The following HDC variants were observed in gnomAD, a reference collection of about 807,000 sequenced individuals.
HDC encodes histidine decarboxylase.
HDC carries 27 observed loss-of-function variants against 64.4 expected under a neutral mutation model. The ratio of observed to expected loss-of-function variants is 0.42; its 90% CI spans 0.31 to 0.58. HDC has a LOEUF of 0.58. Among genes scored for constraint, HDC ranks in the 20% least tolerant of loss-of-function variants. The pLI, the probability that HDC is intolerant of heterozygous loss-of-function variation, is 0.16. For synonymous variants in HDC, 305 were observed against 314.2 expected (o/e 0.97, Z 0.31); for missense variants, 711 against 833.9 (o/e 0.85, Z 1.81).
chr15:50,253,781 G>T, intron 6 of HDC, 115 bp from the exon 7 acceptor site: 2 of 820,936 alleles, frequency 2.4e-6, no homozygotes, highest in Non-Finnish European at 4.2e-6. Context: ...CCAGAACAGT[G>T]TATATTTCAG....
rs148691414 is a variant in HDC, at chr15:50,258,488, G to A, written c.234C>T (p.His78=). The change falls in exon 3 of 12, where the codon CAC becomes CAT. Residue 78 remains histidine, a synonymous_variant. Transcript: ENST00000267845. ...GVVHWQSPHM[H]AYYPALTSWP... is the part of the protein sequence containing the mutation. Reference sequence around the variant, plus strand: ...AAGAGGTGAGGGCTGGGTAGTAGGCGTGCATATGGGGGCTCTGCCAATGTA... The same window carrying A: ...AAGAGGTGAGGGCTGGGTAGTAGGCATGCATATGGGGGCTCTGCCAATGTA... The A allele has an allele frequency of 1.7e-5, 28 of 1,612,970 alleles. 1 individual carries two copies. Among genetic ancestry groups the A allele is most frequent in the Middle Eastern group, 1.6e-4 (1 of 6,068 alleles).
At chr15:50,256,651 G>A (rs2045636011) in intron 4 of HDC, among the ~76,000 whole-genome samples, 1 of 152,190 alleles carries the variant, frequency 6.6e-6, no homozygotes, top group Non-Finnish European at 1.5e-5. Flanking sequence ...CTCTCAATGT[G>A]CTGAGATTAC....
At chr15:50,254,711 C>A in intron 4 of HDC, 47 bp from the exon 5 acceptor site, 1 of 1,585,060 alleles carries the variant, frequency 6.3e-7, no homozygotes, top group Non-Finnish European at 8.6e-7. Context: ...TATTCTCTTG[C>A]CAAATTTCCC....
chr15:50,252,807 A>T, intron 7 of HDC, 33 bp from the exon 8 acceptor site: 5 of 1,591,568 alleles, frequency 3.1e-6, no homozygotes, highest in Non-Finnish European at 4.3e-6. Flanking sequence ...GCCGGAGGGG[A>T]GGTATGAAGT....
intron 9 of HDC, among the ~76,000 whole-genome samples, chr15:50,250,111 C>T (rs182115999): frequency 6.6e-6 from 1 of 152,320 alleles, no homozygotes; most frequent in East Asian, 1.9e-4. Flanking sequence ...GGAGCTTCTC[C>T]GCTGTCAGAG....
At chr15:50,256,001 C>T (rs1283752724) in intron 4 of HDC, among the ~76,000 whole-genome samples, 1 of 152,186 alleles carries the variant, frequency 6.6e-6, no homozygotes, top group Admixed American at 6.5e-5. Context: ...CAGGAGAAAG[C>T]ATGGTTTGGA....
chr15:50,250,155 C>T (rs997980145), intron 9 of HDC, among the ~76,000 whole-genome samples: 3 of 152,180 alleles, frequency 2.0e-5, no homozygotes, highest in African/African-American at 4.8e-5. Flanking sequence ...TTCCAGGACC[C>T]CAGGGGTTAA....
rs1392677343 is a variant in HDC, at chr15:50,242,708, T to C, written c.1541A>G (p.Asp514Gly). The C allele has an allele frequency of 1.2e-6, 2 of 1,613,880 alleles. No individual in the cohort carries two copies. The highest frequency in any genetic ancestry group is 1.7e-5 in the Admixed American group (1 of 59,990). ...GATCTTCCTGGCCTGGACTGGATCA[T>C]CTCCTGCCCCACTGACAGACTGAAG... is the stretch of plus-strand genomic sequence containing the variant. ...TSLQSVSGAG[D>G]DPVQARKIIK... The change falls in exon 12 of 12, where the codon GAT (aspartate) becomes GGT (glycine). Residue 514 changes from aspartate to glycine, a missense_variant. Physicochemically the swap from Asp to Gly is moderately conservative, Grantham distance 94 (BLOSUM62 -1). Around this residue, in one of 3 missense-constraint regions of HDC, gnomAD observed 483 missense variants for 540.9 expected, o/e 0.89. Coordinates refer to ENST00000267845, the MANE Select transcript of HDC (RefSeq NM_002112.4).
At chr15:50,254,029 C>A in intron 6 of HDC, 101 bp downstream of exon 6, 1 of 1,263,848 alleles carries the variant, frequency 7.9e-7, no homozygotes, top group East Asian at 2.3e-5. Flanking sequence ...GAGGACCTTT[C>A]TGCTTTTGTG....
At chr15:50,258,871 G>A (rs536149362) in intron 2 of HDC, among the ~76,000 whole-genome samples, 2 of 152,228 alleles carry the variant, frequency 1.3e-5, no homozygotes, top group South Asian at 4.1e-4. Flanking sequence ...GCAATAAAAG[G>A]AAGGGCAGGC....
rs1011132273 is a variant in HDC, at chr15:50,252,940, G to A, written c.788-166C>T. ...AGGTGGAGTCAGTTTGAAGAAGTGGGGCTGAAGGAGGCATCATTACCTCCG... is the reference window on the plus strand; with the variant it reads ...AGGTGGAGTCAGTTTGAAGAAGTGGAGCTGAAGGAGGCATCATTACCTCCG... On this transcript the variant is annotated intron_variant, in intron 7 of 11. Transcript: ENST00000267845. 1.8e-5 allele frequency: 12 copies of A among 657,260 alleles called. No individual in the cohort carries two copies. In the Admixed American group the frequency reaches 2.8e-4, roughly 16 times the overall value. The allele number at this position is 657,260 out of a possible 1,614,324, so 40.7% of individuals were successfully genotyped here. A position where few individuals can be genotyped will look rare whatever the true frequency, so the allele number is the denominator to read the frequency against.
Position 50,243,616 on chromosome 15 carries a change from G to A in HDC, c.1141-372C>T, listed in dbSNP as rs141845900. Among the ~76,000 whole-genome samples the A allele has an allele frequency of 6.0e-3, 918 of 152,312 alleles. 11 individuals carry two copies. The highest frequency in any genetic ancestry group is 0.021 in the African/African-American group (878 of 41,568). On this transcript the variant is annotated intron_variant, in intron 10 of 11. Transcript: ENST00000267845. ...GGCCAAAACCCAGTCCATGCTCTGC[G>A]TTCCCAGCCAGGTGCCTCATGCGAG...
Position 50,252,965 on chromosome 15 carries a change from G to T in HDC, c.788-191C>A, listed in dbSNP as rs2070595. 217,670 of 618,034 alleles carry T rather than the reference G, an allele frequency of 0.35. 41,224 individuals carry two copies. The highest frequency in any genetic ancestry group is 0.54 in the African/African-American group (29,481 of 54,246). The allele number at this position is 618,034 out of a possible 1,614,324, so 38.3% of individuals were successfully genotyped here. On this transcript the variant is annotated intron_variant, in intron 7 of 11. Coordinates refer to ENST00000267845, the MANE Select transcript of HDC (RefSeq NM_002112.4). ...GGCTGAAGGAGGCATCATTACCTCCGAATGGGAAAGTCTACAAAGCCTCAC... is the reference window on the plus strand; with the variant it reads ...GGCTGAAGGAGGCATCATTACCTCCTAATGGGAAAGTCTACAAAGCCTCAC...
chr15:50,256,843 C>T (rs1433658006), intron 4 of HDC, among the ~76,000 whole-genome samples: 1 of 152,068 alleles, frequency 6.6e-6, no homozygotes, highest in African/African-American at 2.4e-5. Flanking sequence ...AGAACCAAGC[C>T]CTCATGAACG....
chr15:50,251,033 A>G (rs977973207), intron 9 of HDC, among the ~76,000 whole-genome samples: 10 of 152,266 alleles, frequency 6.6e-5, no homozygotes, highest in African/African-American at 2.4e-4. Flanking sequence ...TTCACAAGGA[A>G]GGATGCTTAC....
chr15:50,248,401 G>A lies in HDC; in HGVS notation c.1042-58C>T, dbSNP rs984632054. 124 of 1,131,694 alleles carry A rather than the reference G, an allele frequency of 1.1e-4. No individual in the cohort carries two copies. Among genetic ancestry groups the A allele is most frequent in the Non-Finnish European group, 1.6e-4 (117 of 749,916 alleles). The allele number at this position is 1,131,694 out of a possible 1,614,324, so 70.1% of individuals were successfully genotyped here. A position where few individuals can be genotyped will look rare whatever the true frequency, so the allele number is the denominator to read the frequency against. On this transcript the variant is annotated intron_variant, in intron 9 of 11. Coordinates refer to ENST00000267845, the MANE Select transcript of HDC (RefSeq NM_002112.4). The surrounding 1 kb of genome is among the most constrained non-coding windows in gnomAD (Gnocchi z 4.3). ...GAGACAAGGGTGCCCCACTCCCTCG[G>A]GCATTTCTGGGCATTATCTGTTGCC...
In HDC at chr15:50,265,590, C is replaced by T. The variant is rs766256070; in HGVS notation, c.31+3G>A. On this transcript the variant is annotated splice_donor_region_variant and intron_variant, in intron 1 of 11. Transcript: ENST00000267845. ...AAGAGGGCCAGGGATGCCCGTTGCTCACCTCTCTCTCTGTACTCCTCAGGC... is the reference window on the plus strand; with the variant it reads ...AAGAGGGCCAGGGATGCCCGTTGCTTACCTCTCTCTCTGTACTCCTCAGGC... 1.2e-6 allele frequency: 2 copies of T among 1,613,744 alleles called. No homozygotes were observed. The highest frequency in any genetic ancestry group is 1.7e-6 in the Non-Finnish European group (2 of 1,179,672).
At chr15:50,252,376 A>G (rs2045567667) in intron 9 of HDC, 54 bp downstream of exon 9, 3 of 1,437,722 alleles carry the variant, frequency 2.1e-6, no homozygotes, top group Middle Eastern at 1.7e-4. Flanking sequence ...TCAGACGCCT[A>G]CAGTTCCCAC....
At position 50,242,618 on chromosome 15, in the gene HDC, G is replaced by C; in HGVS notation, c.1631C>G (p.Thr544Ser). ...GCAGTCATCAACTGGGTCCAGCAGG[G>C]TTTCAAGATGGAGGCCATTTTCCCT... ...MKRENGLHLETLLDPVDDCFS... is the reference protein window; with the variant it reads ...MKRENGLHLESLLDPVDDCFS... The change falls in exon 12 of 12, where the codon ACC (threonine) becomes AGC (serine). Residue 544 changes from threonine to serine, a missense_variant. Transcript: ENST00000267845. The C allele has an allele frequency of 1.2e-6, 2 of 1,614,220 alleles. No homozygotes were observed. Among genetic ancestry groups the C allele is most frequent in the Non-Finnish European group, 1.7e-6 (2 of 1,180,036 alleles).
Sources: allele counts gnomAD v4.1 joint callset (sites outside exome capture counted in the v4.1 genomes callset), GRCh38; gene constraint gnomAD v4.1.1; regional missense constraint gnomAD v4.1.1; non-coding constraint Gnocchi (gnomAD v3.1); transcripts MANE v1.5; gene names NCBI Gene and HGNC (gene_info 2026-07-23, HGNC 2026-07-21).